Variants in ITGA9 observed in about 807,000 individuals in gnomAD.
ITGA9 encodes the protein integrin alpha-9.
ITGA9 carries 56 observed loss-of-function variants against 127.8 expected under a neutral mutation model. The observed-to-expected ratio is 0.44, with a 90% CI of 0.35 to 0.55. The LOEUF (loss-of-function observed/expected upper bound fraction) is 0.55. Among genes scored for constraint, ITGA9 ranks in the 20% least tolerant of loss-of-function variants. ITGA9 has a pLI of 0.00. For missense variants in ITGA9, 1,196 were observed against 1,347.1 expected (o/e 0.89, Z 1.76); for synonymous variants, 508 against 514.5 (o/e 0.99, Z 0.17).
chr3:37,757,867 T>A (rs1359261281), intron 23 of ITGA9, among the ~76,000 whole-genome samples: 1 of 151,702 alleles, frequency 6.6e-6, no homozygotes, highest in East Asian at 1.9e-4. Context: ...CTTATGTTAA[T>A]ATAAGCTGTT....
intron 16 of ITGA9, among the ~76,000 whole-genome samples, chr3:37,630,099 G>A (rs78089386): frequency 0.03 from 4,615 of 152,322 alleles, 94 homozygotes; most frequent in Non-Finnish European, 0.046. Context: ...CAGGGTTGGG[G>A]CAAAGCTGTG....
intron 24 of ITGA9, among the ~76,000 whole-genome samples, chr3:37,778,872 GTTTTTT>G (rs10583231): frequency 1.4e-4 from 15 of 106,230 alleles, no homozygotes; most frequent in Non-Finnish European, 1.9e-4. Context: ...GAAAGGTTGG[GTTTTTT>G]TTTTTTTTTT....
In ITGA9 at chr3:37,806,130, T is replaced by C. The variant is rs1471346053; in HGVS notation, c.3009+2188T>C. ...TGTTTATTTAATCCACATCGCCAGA[T>C]AGATTCTTAATTCTCCTTTTTCTCC... On this transcript the variant is annotated intron_variant, in intron 27 of 27. Coordinates refer to ENST00000264741, the MANE Select transcript of ITGA9 (RefSeq NM_002207.3). This position sits in a 1 kb window ranked among gnomAD's most constrained non-coding sequence, Gnocchi z 4.3. 1 of 152,252 alleles carries C rather than the reference T, an allele frequency of 6.6e-6. No homozygotes were observed. Among genetic ancestry groups the C allele is most frequent in the Non-Finnish European group, 1.5e-5 (1 of 68,042 alleles). 9.4% of individuals were successfully genotyped at this position (152,252 alleles called of 1,614,324 possible).
intron 10 of ITGA9, among the ~76,000 whole-genome samples, chr3:37,518,093 C>CGTGTGTGT (rs55842055): frequency 0.013 from 1,931 of 144,198 alleles, 36 homozygotes; most frequent in African/African-American, 0.044. Context: ...AGAGTGTACG[C>CGTGTGTGT]GTGTGTGTGT....
chr3:37,793,282 G>T (rs1697133431), intron 26 of ITGA9, among the ~76,000 whole-genome samples: 1 of 151,698 alleles, frequency 6.6e-6, no homozygotes, highest in Non-Finnish European at 1.5e-5. Context: ...ATTCTCAGAA[G>T]GTTGCCCAGT....
intron 14 of ITGA9, among the ~76,000 whole-genome samples, chr3:37,538,166 TC>T (rs1699229622): frequency 6.6e-6 from 1 of 152,360 alleles, no homozygotes; most frequent in South Asian, 2.1e-4. Context: ...GACCCAGTGC[TC>T]CTGTGTTTCC....
At chr3:37,686,950 C>A (rs752784269) in intron 18 of ITGA9, among the ~76,000 whole-genome samples, 1 of 152,178 alleles carries the variant, frequency 6.6e-6, no homozygotes, top group Admixed American at 6.5e-5. Context: ...AGAGCCCCCC[C>A]AACCTGCTTA....
intron 24 of ITGA9, 25 bp downstream of exon 24, chr3:37,777,542 G>A: frequency 6.2e-7 from 1 of 1,613,464 alleles, no homozygotes; most frequent in Non-Finnish European, 8.5e-7. Context: ...AGTGGTTGGG[G>A]TAACACGGGT....
In ITGA9 at chr3:37,530,352, A is replaced by C. The variant is rs149915465; in HGVS notation, c.1374-2962A>C. 2.6e-3 allele frequency among the ~76,000 whole-genome samples: 389 copies of C among 152,328 alleles called. 3 individuals carry two copies. Among genetic ancestry groups the C allele is most frequent in the African/African-American group, 8.8e-3 (367 of 41,578 alleles). Reference sequence around the variant, plus strand: ...AGCAGGGAGGGCTAGGAGACCACGCATGTGCAAGCACACATAGATATATAT... The same window carrying C: ...AGCAGGGAGGGCTAGGAGACCACGCCTGTGCAAGCACACATAGATATATAT... On this transcript the variant is annotated intron_variant, in intron 13 of 27. Coordinates refer to ENST00000264741, the MANE Select transcript of ITGA9 (RefSeq NM_002207.3).
At chr3:37,677,336 A>T (rs897033244) in intron 17 of ITGA9, among the ~76,000 whole-genome samples, 3 of 152,212 alleles carry the variant, frequency 2.0e-5, no homozygotes, top group African/African-American at 7.2e-5. Flanking sequence ...AAAATTGAAA[A>T]GCTTTGATAG....
At chr3:37,482,717 A>G (rs1698569799) in intron 4 of ITGA9, among the ~76,000 whole-genome samples, 1 of 152,104 alleles carries the variant, frequency 6.6e-6, no homozygotes, top group African/African-American at 2.4e-5. Context: ...GCTCTGGGAA[A>G]CGTCCCCCAC....
chr3:37,487,377 C>T (rs1698621223), intron 4 of ITGA9, among the ~76,000 whole-genome samples: 1 of 152,204 alleles, frequency 6.6e-6, no homozygotes, highest in Non-Finnish European at 1.5e-5. Context: ...CCAGAGGTCT[C>T]CAGCAGGGCC....
At chr3:37,627,242 C>A (rs1456813175) in intron 15 of ITGA9, among the ~76,000 whole-genome samples, 1 of 152,182 alleles carries the variant, frequency 6.6e-6, no homozygotes, top group African/African-American at 2.4e-5. Context: ...AATCATCTGC[C>A]AGTCACTCGG....
rs571814981 is a variant in ITGA9, at chr3:37,757,441, T to A, written c.2541+6872T>A. On this transcript the variant is annotated intron_variant, in intron 23 of 27. Transcript: ENST00000264741. ...ACTTTAGGAGGCTAAGGCAAGAAGA[T>A]CCTTGAGCCTAGGAGTTCAAGACCA... Among the ~76,000 whole-genome samples, 5 of 151,890 alleles carry A rather than the reference T, an allele frequency of 3.3e-5. No homozygotes were observed. In the East Asian group the frequency reaches 9.7e-4, roughly 29 times the overall value.
intron 18 of ITGA9, among the ~76,000 whole-genome samples, chr3:37,687,345 G>A (rs9852195): frequency 0.076 from 11,510 of 152,144 alleles, 1,328 homozygotes; most frequent in African/African-American, 0.25. Flanking sequence ...GTTTTTGAGA[G>A]GCTCTGAGAA....
chr3:37,699,081 G>T lies in ITGA9; in HGVS notation c.2067+15066G>T, dbSNP rs533429549. On this transcript the variant is annotated intron_variant, in intron 18 of 27. Coordinates refer to ENST00000264741, the MANE Select transcript of ITGA9 (RefSeq NM_002207.3). ...TCGCCACTCCTTTTCTGCTTCCTTT[G>T]TTGGGGTCTCCTTATCTTGCCAACC... Among the ~76,000 whole-genome samples the T allele has an allele frequency of 2.0e-5, 3 of 152,220 alleles. No homozygotes were observed. The South Asian group carries it at 6.2e-4, about 32-fold the overall frequency.
intron 9 of ITGA9, among the ~76,000 whole-genome samples, chr3:37,516,948 A>G (rs528426733): frequency 6.6e-6 from 1 of 152,312 alleles, no homozygotes; most frequent in South Asian, 2.1e-4. Context: ...ATGCATGAAT[A>G]ATAGGCACAG....
At chr3:37,517,329 C>T (rs983232518) in intron 9 of ITGA9, among the ~76,000 whole-genome samples, 175 bp from the exon 10 acceptor site, 12 of 152,188 alleles carry the variant, frequency 7.9e-5, no homozygotes, top group African/African-American at 2.9e-4. Flanking sequence ...AAAAGGGACG[C>T]ATTTTGCCAG....
At chr3:37,470,892 T>G in intron 1 of ITGA9, 115 bp from the exon 2 acceptor site, 2 of 1,020,118 alleles carry the variant, frequency 2.0e-6, no homozygotes, top group Non-Finnish European at 3.1e-6. Flanking sequence ...TATAATAATA[T>G]GATTTTCAAA....
Sources: allele counts gnomAD v4.1 joint callset (sites outside exome capture counted in the v4.1 genomes callset), GRCh38; gene constraint gnomAD v4.1.1; non-coding constraint Gnocchi (gnomAD v3.1); transcripts MANE v1.5; gene names NCBI Gene and HGNC (gene_info 2026-07-23, HGNC 2026-07-21).